GRIK2: variants seen among roughly 807,000 people sequenced by gnomAD.
The protein encoded by GRIK2 is glutamate receptor ionotropic, kainate 2.
In GRIK2, 32 loss-of-function variants were observed where a neutral mutation model predicts 100.3. The ratio of observed to expected loss-of-function variants is 0.32; its 90% CI spans 0.24 to 0.43. The LOEUF (loss-of-function observed/expected upper bound fraction) is 0.43. GRIK2 is among the 20% of genes least tolerant of loss of function. The pLI, the probability that GRIK2 is intolerant of heterozygous loss-of-function variation, is 1.00. For synonymous variants in GRIK2, 417 were observed against 389.4 expected (o/e 1.07, Z -0.83); for missense variants, 843 against 1,114.9 (o/e 0.76, Z 3.47).
At chr6:101,990,093 T>G (rs898015747) in intron 14 of GRIK2, among the ~76,000 whole-genome samples, 1 of 151,604 alleles carries the variant, frequency 6.6e-6, no homozygotes, top group South Asian at 2.1e-4. Flanking sequence ...CAGTATATTT[T>G]GTTCTGTGTG....
intron 14 of GRIK2, among the ~76,000 whole-genome samples, chr6:102,030,110 G>T (rs558344895): frequency 1.3e-5 from 2 of 151,326 alleles, no homozygotes; most frequent in Non-Finnish European, 3.0e-5. Context: ...AACAAATGCT[G>T]CATGATCTCA....
At chr6:102,011,052 A>C (rs960905140) in intron 14 of GRIK2, among the ~76,000 whole-genome samples, 1 of 152,182 alleles carries the variant, frequency 6.6e-6, no homozygotes, top group Non-Finnish European at 1.5e-5. Context: ...GTGAATATCA[A>C]GAAACATGAT....
chr6:101,688,146 C>A (rs1356105681), intron 7 of GRIK2, among the ~76,000 whole-genome samples: 3 of 147,296 alleles, frequency 2.0e-5, no homozygotes, highest in Non-Finnish European at 4.5e-5. Context: ...ATTATAATAG[C>A]TTTCTTTACA....
At chr6:101,844,522 T>C (rs528960838) in intron 10 of GRIK2, among the ~76,000 whole-genome samples, 2 of 152,300 alleles carry the variant, frequency 1.3e-5, no homozygotes, top group South Asian at 4.1e-4. Context: ...TCTGATCAAA[T>C]TAATAGAATA....
rs1771700035 is a variant in GRIK2 at position 101,686,348 on chromosome 6, A to G, written c.946A>G (p.Met316Val). Residue 316 changes from methionine (M) to valine (V), a missense_variant, in exon 7 of 17, where the codon ATG becomes GTG. Around this residue, in one of 3 missense-constraint regions of GRIK2, gnomAD observed 519 missense variants for 643.8 expected, o/e 0.81. Coordinates refer to ENST00000369134, the MANE Select transcript of GRIK2 (RefSeq NM_021956.5). ...KPDSGLLDGFMTTDAALMYDA... is the reference protein window; with the variant it reads ...KPDSGLLDGFVTTDAALMYDA... Reference sequence around the variant, plus strand: ...CGATTCAGGTTTGCTGGATGGATTTATGACGGTATGAATACCCACTTAAAG... The same window carrying G: ...CGATTCAGGTTTGCTGGATGGATTTGTGACGGTATGAATACCCACTTAAAG... 1 of 1,611,578 alleles carries G rather than the reference A, an allele frequency of 6.2e-7. No homozygotes were observed.
chr6:101,557,021 A>T (rs906936883), intron 2 of GRIK2, among the ~76,000 whole-genome samples: 27 of 108,198 alleles, frequency 2.5e-4, no homozygotes, highest in Non-Finnish European at 3.0e-4. Flanking sequence ...AAAGCTGTTT[A>T]AAAAAAAACT....
chr6:101,468,279 A>C (rs947415815), intron 2 of GRIK2, among the ~76,000 whole-genome samples: 7 of 152,178 alleles, frequency 4.6e-5, no homozygotes, highest in Admixed American at 2.0e-4. Flanking sequence ...GCAATGAGGT[A>C]AGTGGAGAGG....
chr6:102,061,317 C>T (rs567886484), intron 16 of GRIK2, among the ~76,000 whole-genome samples: 1 of 150,466 alleles, frequency 6.6e-6, no homozygotes, highest in East Asian at 2.0e-4. Context: ...CAAAACTACC[C>T]TAAGAGCCAT....
intron 7 of GRIK2, among the ~76,000 whole-genome samples, chr6:101,761,300 G>A (rs1034240095): frequency 6.6e-6 from 1 of 152,094 alleles, no homozygotes; most frequent in African/African-American, 2.4e-5. Context: ...AAAATGAAGG[G>A]AAAGCAAGAA....
rs573998387 is a variant in GRIK2, at chr6:101,982,524, CA to C, written c.2086-52812del. 6.1e-4 allele frequency among the ~76,000 whole-genome samples: 93 copies of C among 151,300 alleles called. 1 individual carries two copies. The highest frequency in any genetic ancestry group is 2.1e-3 in the African/African-American group (88 of 41,290). On this transcript the variant is annotated intron_variant, in intron 14 of 16. Coordinates refer to ENST00000369134, the MANE Select transcript of GRIK2 (RefSeq NM_021956.5). ...TGAATCGTGGGTGTAATTTAAAAGGCAAAAATGGAGAAAGCCTTTCTGGTCC... is the reference window on the plus strand; with the variant it reads ...TGAATCGTGGGTGTAATTTAAAAGGCAAAATGGAGAAAGCCTTTCTGGTCC...
chr6:101,755,210 A>C (rs1384769666), intron 7 of GRIK2, among the ~76,000 whole-genome samples: 1 of 120,474 alleles, frequency 8.3e-6, no homozygotes. Context: ...TCTGTCATCC[A>C]GTCTGGAGTG....
intron 14 of GRIK2, among the ~76,000 whole-genome samples, chr6:101,929,338 C>A (rs192497360): frequency 6.6e-6 from 1 of 152,266 alleles, no homozygotes; most frequent in African/African-American, 2.4e-5. Context: ...TAGCTATTAC[C>A]ACTTTATAAT....
chr6:101,916,951 C>T (rs778856980), intron 12 of GRIK2, among the ~76,000 whole-genome samples: 5 of 151,588 alleles, frequency 3.3e-5, no homozygotes, highest in Non-Finnish European at 7.4e-5. Flanking sequence ...GAGATGTTCC[C>T]ATTTTATGCC....
At chr6:101,536,222 C>A (rs765400046) in intron 2 of GRIK2, among the ~76,000 whole-genome samples, 24 of 151,726 alleles carry the variant, frequency 1.6e-4, no homozygotes, top group Non-Finnish European at 2.2e-4. Flanking sequence ...ATTGCTTCAA[C>A]ATACTCTATT....
intron 2 of GRIK2, among the ~76,000 whole-genome samples, chr6:101,611,063 G>T (rs1779654047): frequency 6.6e-6 from 1 of 151,602 alleles, no homozygotes; most frequent in African/African-American, 2.4e-5. Context: ...GTATTTTGAA[G>T]TCCTCCCTTG....
chr6:101,794,448 G>C (rs1331959319), intron 7 of GRIK2, among the ~76,000 whole-genome samples: 1 of 151,584 alleles, frequency 6.6e-6, no homozygotes, highest in Admixed American at 6.6e-5. Context: ...ACACCTTATT[G>C]TGTTTATATC....
chr6:101,781,306 G>A (rs900545636), intron 7 of GRIK2, among the ~76,000 whole-genome samples: 4 of 152,126 alleles, frequency 2.6e-5, no homozygotes, highest in African/African-American at 9.7e-5. Context: ...GACAACGACT[G>A]GAAATGTGGG....
At chr6:101,929,863 T>A (rs968058103) in intron 14 of GRIK2, among the ~76,000 whole-genome samples, 2 of 152,174 alleles carry the variant, frequency 1.3e-5, no homozygotes, top group African/African-American at 4.8e-5. Flanking sequence ...TCACATTTAC[T>A]TGGAAAATCA....
At chr6:101,579,490 CTTTCTTTCTT>C (rs1416168492) in intron 2 of GRIK2, among the ~76,000 whole-genome samples, 1 of 129,226 alleles carries the variant, frequency 7.7e-6, no homozygotes, top group Non-Finnish European at 1.6e-5. Context: ...TTTTCTTTCT[CTTTCTTTCTT>C]TTTCTTTTTC....
Sources: gnomAD v4.1 joint callset for allele counts (sites outside exome capture counted in the v4.1 genomes callset) on GRCh38, gnomAD v4.1.1 for gene constraint, gnomAD v4.1.1 regional missense constraint, MANE v1.5 for transcripts, NCBI Gene and HGNC (gene_info 2026-07-23, HGNC 2026-07-21) for gene names.